Variants in ICA1 observed in about 807,000 individuals in gnomAD.
ICA1 encodes the protein islet cell autoantigen 1.
A neutral mutation model predicts 71.0 loss-of-function variants in ICA1; 40 were observed. The observed-to-expected ratio is 0.56, with a 90% confidence interval of 0.44 to 0.73. ICA1 has a LOEUF of 0.73. Ranked by LOEUF, ICA1 falls within the 30% of genes least tolerant of loss-of-function variation. The pLI, the probability that ICA1 is intolerant of heterozygous loss-of-function variation, is 0.00. For missense variants in ICA1, 578 were observed against 576.5 expected (o/e 1.00, Z -0.03); for synonymous variants, 207 against 209.5 (o/e 0.99, Z 0.10).
At chr7:8,254,854 C>A (rs940222722) in intron 1 of ICA1, among the ~76,000 whole-genome samples, 1 of 152,106 alleles carries the variant, frequency 6.6e-6, no homozygotes, top group Non-Finnish European at 1.5e-5. Flanking sequence ...GCATTAGGCA[C>A]CAGGACACTT....
chr7:8,124,066 C>G (rs1788067249), intron 13 of ICA1, among the ~76,000 whole-genome samples: 1 of 150,640 alleles, frequency 6.6e-6, no homozygotes, highest in South Asian at 2.1e-4. Flanking sequence ...TGAGTGCTGG[C>G]TGTTATTTTA....
At position 8,113,898 on chromosome 7, in the gene ICA1, G is replaced by T. The variant is rs752087841; in HGVS notation, c.*25C>A. 44 of 1,613,688 alleles carry T rather than the reference G, an allele frequency of 2.7e-5. No individual in the cohort carries two copies. Among genetic ancestry groups the T allele is most frequent in the Admixed American group, 5.0e-5 (3 of 60,002 alleles). ...AGGGGAGCTGCTGGGGGCGGCATGT[G>T]AGTGCCCTCCCGAAGGGTACAGATT... is the stretch of plus-strand genomic sequence containing the variant. On this transcript the variant is annotated 3_prime_UTR_variant, in exon 14 of 14. Coordinates refer to ENST00000402384, the MANE Select transcript of ICA1 (RefSeq NM_001136020.3). The surrounding 1 kb of genome is among the most constrained non-coding windows in gnomAD (Gnocchi z 4.2).
intron 12 of ICA1, among the ~76,000 whole-genome samples, chr7:8,129,271 G>A (rs1790511494): frequency 6.6e-6 from 1 of 151,156 alleles, no homozygotes; most frequent in African/African-American, 2.4e-5. Context: ...CATGATTTAT[G>A]TTTTTTTTCT....
chr7:8,189,280 T>C (rs1172300892), intron 6 of ICA1, among the ~76,000 whole-genome samples: 2 of 152,204 alleles, frequency 1.3e-5, no homozygotes, highest in African/African-American at 4.8e-5. Flanking sequence ...AGAGCTTTGA[T>C]CAATTGGGGT....
chr7:8,180,327 G>A (rs546811979), intron 6 of ICA1, among the ~76,000 whole-genome samples: 5 of 152,050 alleles, frequency 3.3e-5, no homozygotes, highest in African/African-American at 9.7e-5. Flanking sequence ...ACCCATGACA[G>A]TCATCCATAG....
In ICA1 at chr7:8,173,106, C is replaced by T. The variant is rs1193835524; in HGVS notation, c.580-14454G>A. Reference sequence around the variant, plus strand: ...TTCTGGCTCTGTTCACTGTAAAGGTCTACAAGTAACGGCTAACTTAGAAGC... The same window carrying T: ...TTCTGGCTCTGTTCACTGTAAAGGTTTACAAGTAACGGCTAACTTAGAAGC... On this transcript the variant is annotated intron_variant, in intron 6 of 13. Coordinates refer to ENST00000402384, the MANE Select transcript of ICA1 (RefSeq NM_001136020.3). This position sits in a 1 kb window ranked among gnomAD's most constrained non-coding sequence, Gnocchi z 4.0. Among the ~76,000 whole-genome samples, 1 of 152,148 alleles carries T rather than the reference C, an allele frequency of 6.6e-6. No homozygotes were observed. Among genetic ancestry groups the T allele is most frequent in the East Asian group, 1.9e-4 (1 of 5,204 alleles).
intron 1 of ICA1, among the ~76,000 whole-genome samples, chr7:8,246,940 G>A (rs1806247734): frequency 6.6e-6 from 1 of 152,028 alleles, no homozygotes; most frequent in Admixed American, 6.6e-5. Context: ...TAGAGATGGG[G>A]TTTCACCGTG....
intron 13 of ICA1, among the ~76,000 whole-genome samples, chr7:8,127,058 T>C (rs1789493571): frequency 1.3e-5 from 2 of 152,042 alleles, no homozygotes; most frequent in South Asian, 2.1e-4. Context: ...CACTGTAACT[T>C]TGCCTCCTGG....
intron 6 of ICA1, among the ~76,000 whole-genome samples, chr7:8,169,901 A>AGTGTCTGTGTGTGTGTGT (rs1554305227): frequency 0.011 from 1,663 of 147,182 alleles, 15 homozygotes; most frequent in Non-Finnish European, 0.018. Flanking sequence ...TTAATGCCTG[A>AGTGTCTGTGTGTGTGTGT]GTGTGTGTGT....
At position 8,113,471 on chromosome 7, in the gene ICA1, G is replaced by C. The variant is rs1238425537; in HGVS notation, c.*452C>G. On this transcript the variant is annotated 3_prime_UTR_variant, in exon 14 of 14. Transcript: ENST00000402384. The surrounding 1 kb of genome is among the most constrained non-coding windows in gnomAD (Gnocchi z 4.2). ...TCACTGGAAGGTGGCTTGGCAGGAA[G>C]AGGGAATCTTCCTACAGCCCTCCTC... The C allele has an allele frequency of 6.4e-6, 1 of 156,782 alleles. No individual in the cohort carries two copies. The highest frequency in any genetic ancestry group is 1.4e-5 in the Non-Finnish European group (1 of 70,778). 9.7% of individuals were successfully genotyped at this position (156,782 alleles called of 1,614,324 possible). A position where few individuals can be genotyped will look rare whatever the true frequency, so the allele number is the denominator to read the frequency against.
intron 1 of ICA1, among the ~76,000 whole-genome samples, chr7:8,261,647 G>A (rs961893822): frequency 1.3e-5 from 2 of 152,134 alleles, no homozygotes; most frequent in African/African-American, 2.4e-5. Flanking sequence ...CAGGCGCCGC[G>A]GCAGGTGAAC....
intron 8 of ICA1, among the ~76,000 whole-genome samples, chr7:8,147,687 AACACACAC>A (rs71014764): frequency 0.55 from 80,273 of 145,218 alleles, 23,436 homozygotes; most frequent in Middle Eastern, 0.65. Flanking sequence ...AGCCAAGGGG[AACACACAC>A]ACACACACAC....
At chr7:8,217,870 C>T (rs112128258) in intron 6 of ICA1, among the ~76,000 whole-genome samples, 1 of 152,236 alleles carries the variant, frequency 6.6e-6, no homozygotes, top group African/African-American at 2.4e-5. Context: ...CTAAACCCCA[C>T]TGCTTCTGAA....
intron 7 of ICA1, 95 bp from the exon 8 acceptor site, chr7:8,157,309 C>A: frequency 2.6e-6 from 3 of 1,175,024 alleles, no homozygotes; most frequent in South Asian, 1.6e-5. Flanking sequence ...TTTGAAGATT[C>A]TTTAAAGCAT....
At chr7:8,238,263 G>T (rs982346395) in intron 1 of ICA1, among the ~76,000 whole-genome samples, 1 of 152,128 alleles carries the variant, frequency 6.6e-6, no homozygotes, top group Non-Finnish European at 1.5e-5. Flanking sequence ...CCCACTGATG[G>T]TATGCAAGGG....
intron 6 of ICA1, among the ~76,000 whole-genome samples, chr7:8,202,579 T>C (rs1028858128): frequency 2.0e-5 from 3 of 152,252 alleles, no homozygotes; most frequent in Non-Finnish European, 2.9e-5. Context: ...TCTTCATTTA[T>C]GATTTCAGAA....
chr7:8,135,931 A>G (rs1021297382), intron 12 of ICA1, among the ~76,000 whole-genome samples: 1 of 152,092 alleles, frequency 6.6e-6, no homozygotes, highest in African/African-American at 2.4e-5. Flanking sequence ...TCTTGGCCCA[A>G]TTTTGGGAAA....
intron 1 of ICA1, among the ~76,000 whole-genome samples, chr7:8,240,648 G>A (rs1226048634): frequency 6.6e-6 from 1 of 152,052 alleles, no homozygotes; most frequent in East Asian, 1.9e-4. Flanking sequence ...CCATTGCAAG[G>A]AAGCTAAAAA....
intron 8 of ICA1, chr7:8,156,825 A>G (rs1370561042): frequency 6.8e-7 from 1 of 1,479,510 alleles, no homozygotes; most frequent in Admixed American, 2.7e-5. Context: ...ATTAGACTCA[A>G]GTTCACCACA....
Sources: gnomAD v4.1 joint callset for allele counts (sites outside exome capture counted in the v4.1 genomes callset) on GRCh38, gnomAD v4.1.1 for gene constraint, Gnocchi (gnomAD v3.1) non-coding constraint, MANE v1.5 for transcripts, NCBI Gene and HGNC (gene_info 2026-07-23, HGNC 2026-07-21) for gene names.